Variants in ADAM12 observed in about 807,000 individuals in gnomAD.
ADAM12 encodes the protein ADAM metallopeptidase domain 12.
A neutral mutation model predicts 106.4 loss-of-function variants in ADAM12; 70 were observed. The observed-to-expected ratio is 0.66, with a 90% CI of 0.54 to 0.80. The LOEUF is 0.80. Ranked by LOEUF, ADAM12 falls within the 30% of genes least tolerant of loss-of-function variation. The pLI is 0.00. For missense variants in ADAM12, 1,010 were observed against 1,171.9 expected (o/e 0.86, Z 2.02); for synonymous variants, 420 against 433.5 (o/e 0.97, Z 0.39).
chr10:126,381,699 A>C lies in ADAM12; in HGVS notation c.88+6359T>G, dbSNP rs550960098. Among the ~76,000 whole-genome samples, 100 of 151,990 alleles carry C rather than the reference A, an allele frequency of 6.6e-4. 1 individual carries two copies. In the South Asian group the frequency reaches 0.015, roughly 23 times the overall value. Reference sequence around the variant, plus strand: ...TTTTTTTTAGTAGAGATAGGATTTCAACATGTTGACCAGGCTGGACTCAAA... The same window carrying C: ...TTTTTTTTAGTAGAGATAGGATTTCCACATGTTGACCAGGCTGGACTCAAA... On this transcript the variant is annotated intron_variant, in intron 1 of 22. Coordinates refer to ENST00000448723, the MANE Select transcript of ADAM12 (RefSeq NM_001288973.2).
intron 5 of ADAM12, among the ~76,000 whole-genome samples, chr10:126,126,640 A>G (rs557326569): frequency 8.6e-5 from 13 of 151,936 alleles, no homozygotes; most frequent in African/African-American, 1.2e-4. Flanking sequence ...TAGTGTTTTT[A>G]AAACATGACC....
intron 3 of ADAM12, among the ~76,000 whole-genome samples, chr10:126,174,386 G>C (rs1468403075): frequency 2.6e-5 from 4 of 151,956 alleles, no homozygotes; most frequent in African/African-American, 9.7e-5. Flanking sequence ...GCAGTTCCTC[G>C]CTTCTCAGCC....
chr10:126,145,878 T>C (rs1004947133), intron 4 of ADAM12, among the ~76,000 whole-genome samples: 11 of 152,214 alleles, frequency 7.2e-5, no homozygotes, highest in Non-Finnish European at 1.5e-4. Context: ...TGTGAAAAGG[T>C]AGGGCCGTCA....
At chr10:126,376,359 G>A (rs902262387) in intron 1 of ADAM12, among the ~76,000 whole-genome samples, 1 of 152,050 alleles carries the variant, frequency 6.6e-6, no homozygotes, top group East Asian at 1.9e-4. Flanking sequence ...TTTCAATAAG[G>A]AAATGACTCC....
chr10:126,272,583 A>G (rs1959183680), intron 3 of ADAM12, among the ~76,000 whole-genome samples: 1 of 152,242 alleles, frequency 6.6e-6, no homozygotes, highest in Non-Finnish European at 1.5e-5. Context: ...AGAGCTGGAA[A>G]CATGAGACTA....
chr10:126,133,168 A>G (rs960120459), intron 5 of ADAM12, among the ~76,000 whole-genome samples: 2 of 151,872 alleles, frequency 1.3e-5, no homozygotes, highest in Non-Finnish European at 2.9e-5. Context: ...ATTACTTAAA[A>G]TTTCTCCCTC....
At chr10:126,284,883 C>T (rs1197152514) in intron 2 of ADAM12, among the ~76,000 whole-genome samples, 1 of 152,204 alleles carries the variant, frequency 6.6e-6, no homozygotes, top group Admixed American at 6.5e-5. Flanking sequence ...CCCTTACTCT[C>T]TTCACTGGGG....
rs761858960 is a variant in ADAM12 at position 126,043,141 on chromosome 10, T to C, written c.2003A>G (p.Asn668Ser). The C allele has an allele frequency of 1.2e-6, 2 of 1,613,946 alleles. No homozygotes were observed. The highest frequency in any genetic ancestry group is 1.7e-6 in the Non-Finnish European group (2 of 1,179,970). The part of the protein sequence containing the change: ...AMQCHGRGVC[N>S]NRKNCHCEAH... The stretch of plus-strand genomic sequence containing the variant: ...CTCGCAGTGGCAGTTCTTCCTGTTG[T>C]TGCACACCTTTCAGGGCAGAGGGGA... The change falls in exon 18 of 23, where the codon AAC becomes AGC. Residue 668 changes from asparagine (N) to serine (S), a missense_variant. This residue lies in a region of ADAM12 where 615 missense variants were observed against 708.5 expected (regional missense o/e 0.87). Transcript: ENST00000448723. The surrounding 1 kb of genome is among the most constrained non-coding windows in gnomAD (Gnocchi z 4.1).
chr10:126,229,609 T>TCCCTCC (rs538308794), intron 3 of ADAM12, among the ~76,000 whole-genome samples: 1 of 127,094 alleles, frequency 7.9e-6, no homozygotes, highest in African/African-American at 3.1e-5. Context: ...TCTCTCCCTC[T>TCCCTCC]CCCTCCCCCT....
At chr10:126,206,347 G>A (rs746916310) in intron 3 of ADAM12, among the ~76,000 whole-genome samples, 3 of 152,184 alleles carry the variant, frequency 2.0e-5, no homozygotes, top group Non-Finnish European at 4.4e-5. Flanking sequence ...GACGATTAAA[G>A]TATACTCAGG....
At chr10:126,029,373 T>C (rs1953935066) in intron 21 of ADAM12, among the ~76,000 whole-genome samples, 1 of 152,138 alleles carries the variant, frequency 6.6e-6, no homozygotes, top group Non-Finnish European at 1.5e-5. Context: ...GGTAAGAAAA[T>C]GTGGTAAATA....
chr10:126,129,651 G>A (rs761227499), intron 5 of ADAM12, among the ~76,000 whole-genome samples: 2 of 152,214 alleles, frequency 1.3e-5, no homozygotes, highest in Non-Finnish European at 2.9e-5. Flanking sequence ...CACCGAAACC[G>A]TATTAACTGG....
chr10:126,169,128 C>T (rs1341981600), intron 3 of ADAM12, among the ~76,000 whole-genome samples: 1 of 152,168 alleles, frequency 6.6e-6, no homozygotes, highest in Non-Finnish European at 1.5e-5. Context: ...CTCAATTCAT[C>T]CCACTTAGGC....
chr10:126,233,910 G>T (rs1027702901), intron 3 of ADAM12, among the ~76,000 whole-genome samples: 11 of 152,276 alleles, frequency 7.2e-5, no homozygotes, highest in African/African-American at 2.4e-4. Context: ...ATCCCCTAAG[G>T]TTCTATAAAG....
chr10:126,217,244 C>T (rs1958003700), intron 3 of ADAM12, among the ~76,000 whole-genome samples: 2 of 151,950 alleles, frequency 1.3e-5, no homozygotes, highest in African/African-American at 4.8e-5. Flanking sequence ...TAAAGTTTAC[C>T]CAGAAGAGAG....
intron 2 of ADAM12, among the ~76,000 whole-genome samples, chr10:126,321,372 C>T (rs1854088906): frequency 6.6e-6 from 1 of 151,942 alleles, no homozygotes; most frequent in African/African-American, 2.4e-5. Flanking sequence ...GGTACAGAAT[C>T]TAAGACAACC....
intron 21 of ADAM12, among the ~76,000 whole-genome samples, chr10:126,032,523 C>T (rs902706346): frequency 5.3e-5 from 8 of 152,108 alleles, no homozygotes; most frequent in Non-Finnish European, 1.2e-4. Flanking sequence ...TTGCAAGAGT[C>T]CCTGCTGGTG....
rs183378829 is a variant in ADAM12, at chr10:126,101,322, G to A, written c.742-81C>T. The A allele has an allele frequency of 8.1e-5, 115 of 1,420,688 alleles. No individual in the cohort carries two copies. In the East Asian group the frequency reaches 2.1e-3, roughly 26 times the overall value. 88.0% of individuals were successfully genotyped at this position (1,420,688 alleles called of 1,614,324 possible). A position where few individuals can be genotyped will look rare whatever the true frequency, so the allele number is the denominator to read the frequency against. On this transcript the variant is annotated intron_variant, in intron 8 of 22. Coordinates refer to ENST00000448723, the MANE Select transcript of ADAM12 (RefSeq NM_001288973.2). ...GAAATGAAAATTAGAACAGATTTGC[G>A]TTATTTGAGGGTCACTGACACAGGT...
chr10:126,165,123 T>C (rs1202903967), intron 3 of ADAM12, among the ~76,000 whole-genome samples: 1 of 152,140 alleles, frequency 6.6e-6, no homozygotes, highest in Admixed American at 6.6e-5. Context: ...GCCATCTTCC[T>C]CCTGCCCCTG....
Sources: allele counts gnomAD v4.1 joint callset (sites outside exome capture counted in the v4.1 genomes callset), GRCh38; gene constraint gnomAD v4.1.1; regional missense constraint gnomAD v4.1.1; non-coding constraint Gnocchi (gnomAD v3.1); transcripts MANE v1.5; gene names NCBI Gene and HGNC (gene_info 2026-07-23, HGNC 2026-07-21).